Variants in CEP350 observed in about 807,000 individuals in gnomAD.
The protein encoded by CEP350 is centrosome-associated protein 350.
Under a neutral mutation model 331.8 loss-of-function variants are expected in CEP350, and 126 were observed. The ratio of observed to expected loss-of-function variants is 0.38; its 90% CI spans 0.33 to 0.44. The LOEUF (loss-of-function observed/expected upper bound fraction) is 0.44, where lower values mean the gene tolerates loss of function less well. Ranked by LOEUF, CEP350 falls within the 20% of genes least tolerant of loss-of-function variation. The probability of loss-of-function intolerance (pLI) is 1.00; values close to 1 mark genes in which losing one functional copy is unlikely to be tolerated. For missense variants in CEP350, 3,406 were observed against 3,634.6 expected, an observed-to-expected ratio of 0.94 and a Z score of 1.62; for synonymous variants, 1,200 against 1,259.5, an observed-to-expected ratio of 0.95 and a Z score of 1.00.
At chr1:180,031,648 C>A (rs1324238904) in intron 15 of CEP350, among the ~76,000 whole-genome samples, 154 bp downstream of exon 15, 1 of 152,024 alleles carries the variant, frequency 6.6e-6, no homozygotes, top group Non-Finnish European at 1.5e-5. Flanking sequence ...GACTTCATAG[C>A]TTTGTTCACA....
At chr1:180,101,517 C>T (rs1166404289) in intron 37 of CEP350, among the ~76,000 whole-genome samples, 1 of 152,174 alleles carries the variant, frequency 6.6e-6, no homozygotes, top group African/African-American at 2.4e-5. Flanking sequence ...CATCACCACA[C>T]AAGAAAACTT....
At chr1:180,035,810 A>G (rs1456640347) in intron 16 of CEP350, among the ~76,000 whole-genome samples, 9 of 152,242 alleles carry the variant, frequency 5.9e-5, no homozygotes, top group Admixed American at 5.9e-4. Context: ...GTCCCCTAAC[A>G]CAAAGTCTAT....
At position 180,014,203 on chromosome 1, in the gene CEP350, G is replaced by GTTATTTCCAAA; in HGVS notation, c.1751_1761dup (p.Arg588LeufsTer60). The GTTATTTCCAAA allele has an allele frequency of 6.2e-7, 1 of 1,610,276 alleles. No individual in the cohort carries two copies. The highest frequency in any genetic ancestry group is 8.5e-7 in the Non-Finnish European group (1 of 1,178,348). The stretch of plus-strand genomic sequence containing the variant: ...AATAACAGCTAATGAAGATCCCCCT[G>GTTATTTCCAAA]TTATTTCCAAAAGGCGCCACTATGA... On this transcript the variant is annotated frameshift_variant, in exon 10 of 38. Transcript: ENST00000367607. LOFTEE classifies it high-confidence loss of function.
chr1:179,975,216 C>T (rs1315924766), intron 1 of CEP350, among the ~76,000 whole-genome samples: 1 of 151,788 alleles, frequency 6.6e-6, no homozygotes, highest in Non-Finnish European at 1.5e-5. Flanking sequence ...TCTAGATATA[C>T]CTATTCGACA....
At chr1:180,042,132 T>TCTCTCACACACACACACACACACA (rs1553258521) in intron 19 of CEP350, among the ~76,000 whole-genome samples, 6 of 146,870 alleles carry the variant, frequency 4.1e-5, no homozygotes, top group African/African-American at 1.3e-4. Flanking sequence ...GAGTTTTCTC[T>TCTCTCACACACACACACACACACA]CACACACACA....
intron 1 of CEP350, among the ~76,000 whole-genome samples, chr1:179,968,158 C>T (rs1170361559): frequency 6.6e-6 from 1 of 152,038 alleles, no homozygotes; most frequent in Non-Finnish European, 1.5e-5. Flanking sequence ...TGGCGAAACC[C>T]CATCTCTACT....
rs757151936 is a variant in CEP350 at position 179,997,065 on chromosome 1, G to T, written c.908G>T (p.Gly303Val). Residue 303 changes from glycine to valine, a missense_variant, in exon 6 of 38, where the codon GGC becomes GTC. Physicochemically the swap from Gly to Val is moderately radical, Grantham distance 109. This residue lies in a region of CEP350 where 1,857 missense variants were observed against 1,909.2 expected (regional missense o/e 0.97). Transcript: ENST00000367607. ...CACTCAGAAGAAACAAATGGCCGGGGCCAGAAGCTGGGTCATATTGACCAT... is the reference window on the plus strand; with the variant it reads ...CACTCAGAAGAAACAAATGGCCGGGTCCAGAAGCTGGGTCATATTGACCAT... ...WEHSEETNGR[G>V]QKLGHIDHPV... 1 of 1,613,996 alleles carries T rather than the reference G, an allele frequency of 6.2e-7. No individual in the cohort carries two copies.
intron 9 of CEP350, 116 bp downstream of exon 9, chr1:180,012,191 G>A (rs1179824834): frequency 5.0e-6 from 5 of 1,002,832 alleles, no homozygotes; most frequent in Non-Finnish European, 7.2e-6. Flanking sequence ...AATTTTGAAT[G>A]TAGCTCAAAA....
At chr1:180,053,642 G>A in intron 23 of CEP350, 108 bp from the exon 24 acceptor site, 1 of 578,452 alleles carries the variant, frequency 1.7e-6, no homozygotes. Context: ...CATTGTTGGT[G>A]GCCTTGTTAA....
intron 14 of CEP350, among the ~76,000 whole-genome samples, chr1:180,026,590 A>G (rs554454849): frequency 6.6e-6 from 1 of 152,286 alleles, no homozygotes; most frequent in East Asian, 1.9e-4. Context: ...ATATTCCCCT[A>G]CTGAACTCTG....
chr1:180,011,060 G>A (rs116452534), intron 8 of CEP350, among the ~76,000 whole-genome samples: 1,625 of 151,482 alleles, frequency 0.011, 25 homozygotes, highest in African/African-American at 0.036. Context: ...GTTACATTCT[G>A]AAGCTAGTGG....
chr1:179,980,142 A>G (rs1470989570), intron 1 of CEP350, among the ~76,000 whole-genome samples: 1 of 152,072 alleles, frequency 6.6e-6, no homozygotes, highest in Non-Finnish European at 1.5e-5. Flanking sequence ...CATTTTAACA[A>G]TATTAATTTT....
chr1:180,043,105 G>C lies in CEP350; in HGVS notation c.4412G>C (p.Gly1471Ala). 6.2e-7 allele frequency: 1 copy of C among 1,613,716 alleles called. No homozygotes were observed. Among genetic ancestry groups the C allele is most frequent in the Non-Finnish European group, 8.5e-7 (1 of 1,179,746 alleles). ...THISDAVVASGAPLAILYDHQ... is the reference protein window; with the variant it reads ...THISDAVVASAAPLAILYDHQ... ...ATCTCAGATGCTGTCGTGGCTTCAG[G>C]AGCTCCCCTTGCAATACTGTATGAC... The change falls in exon 20 of 38, where the codon GGA (glycine) becomes GCA (alanine). Residue 1471 changes from glycine to alanine, a missense_variant. By Grantham distance (60) the Gly-to-Ala change is moderately conservative. This residue lies in a region of CEP350 where 1,857 missense variants were observed against 1,909.2 expected (regional missense o/e 0.97). Transcript: ENST00000367607.
intron 37 of CEP350, among the ~76,000 whole-genome samples, chr1:180,101,463 A>G (rs1660805427): frequency 1.3e-5 from 2 of 152,164 alleles, no homozygotes; most frequent in African/African-American, 4.8e-5. Flanking sequence ...ATAACACGTA[A>G]AAGTTTTCTC....
chr1:180,034,725 G>A (rs1656241243), intron 16 of CEP350, among the ~76,000 whole-genome samples: 1 of 152,062 alleles, frequency 6.6e-6, no homozygotes, highest in Admixed American at 6.6e-5. Flanking sequence ...CAGACTTAGT[G>A]GATCAATGTT....
At chr1:180,080,198 A>G (rs1659480093) in intron 29 of CEP350, among the ~76,000 whole-genome samples, 1 of 152,140 alleles carries the variant, frequency 6.6e-6, no homozygotes, top group Non-Finnish European at 1.5e-5. Flanking sequence ...AATTAAAAGA[A>G]TGGAGGGGGG....
At chr1:180,043,772 TTGTGTGTGTG>T (rs71118428) in intron 20 of CEP350, among the ~76,000 whole-genome samples, 52 of 148,644 alleles carry the variant, frequency 3.5e-4, no homozygotes, top group African/African-American at 1.1e-3. Flanking sequence ...ATTACCATAT[TTGTGTGTGTG>T]TGTGTGTGTG....
Position 180,113,506 on chromosome 1 carries a change from A to C in CEP350, c.*2345A>C, listed in dbSNP as rs1408948412. On this transcript the variant is annotated 3_prime_UTR_variant, in exon 38 of 38. Transcript: ENST00000367607. ...CTATCTGAAGAATCCTAGGCTCCAC[A>C]TGAGAGGCAGAAATGGATCAGTCTT... 1 of 152,118 alleles carries C rather than the reference A, an allele frequency of 6.6e-6. No homozygotes were observed. The highest frequency in any genetic ancestry group is 1.5e-5 in the Non-Finnish European group (1 of 68,020). The allele number at this position is 152,118 out of a possible 1,614,324, so 9.4% of individuals were successfully genotyped here.
Position 179,966,186 on chromosome 1 carries a change from T to G in CEP350, c.-14+11044T>G, listed in dbSNP as rs568658489. On this transcript the variant is annotated intron_variant, in intron 1 of 37. Transcript: ENST00000367607. ...GATTTAATTTTTCTTAACAATTAGTTGCTTAAGCTTTTTATTTGCCTTCTA... is the reference window on the plus strand; with the variant it reads ...GATTTAATTTTTCTTAACAATTAGTGGCTTAAGCTTTTTATTTGCCTTCTA... Among the ~76,000 whole-genome samples, 6 of 152,346 alleles carry G rather than the reference T, an allele frequency of 3.9e-5. No individual in the cohort carries two copies. The South Asian group carries it at 1.2e-3, about 32-fold the overall frequency.
Sources: gnomAD v4.1 joint callset for allele counts (sites outside exome capture counted in the v4.1 genomes callset) on GRCh38, gnomAD v4.1.1 for gene constraint, gnomAD v4.1.1 regional missense constraint, MANE v1.5 for transcripts, NCBI Gene and HGNC (gene_info 2026-07-23, HGNC 2026-07-21) for gene names.